The following NRXN3 variants were observed in gnomAD, a reference collection of about 807,000 sequenced individuals.
NRXN3 encodes neurexin III.
In NRXN3, 32 loss-of-function variants were observed where a neutral mutation model predicts 137.6. The observed-to-expected ratio is 0.23, with a 90% confidence interval of 0.18 to 0.31. The LOEUF (loss-of-function observed/expected upper bound fraction) is 0.31, where lower values mean the gene tolerates loss of function less well. Among genes scored for constraint, NRXN3 ranks in the 10% least tolerant of loss-of-function variants. NRXN3 has a pLI of 1.00. For synonymous variants in NRXN3, 798 were observed against 784.5 expected, an observed-to-expected ratio of 1.02 and a Z score of -0.29; for missense variants, 1,574 against 2,062.5, an observed-to-expected ratio of 0.76 and a Z score of 4.59.
intron 19 of NRXN3, among the ~76,000 whole-genome samples, chr14:79,780,306 A>C (rs2099109707): frequency 6.6e-6 from 1 of 152,128 alleles, no homozygotes; most frequent in African/African-American, 2.4e-5. Flanking sequence ...TATTTATTAT[A>C]AAATCTTTTA....
At chr14:78,438,349 T>G (rs773454429) in intron 4 of NRXN3, among the ~76,000 whole-genome samples, 1 of 152,114 alleles carries the variant, frequency 6.6e-6, no homozygotes, top group Non-Finnish European at 1.5e-5. Context: ...TAAAGTTTGG[T>G]GTCCTGTCAA....
intron 4 of NRXN3, among the ~76,000 whole-genome samples, chr14:78,419,892 T>A (rs376803745): frequency 1.3e-5 from 2 of 151,966 alleles, no homozygotes; most frequent in African/African-American, 4.8e-5. Context: ...TCATTCATAG[T>A]CAGGACTTTA....
At chr14:78,569,640 T>C (rs1031679489) in intron 4 of NRXN3, among the ~76,000 whole-genome samples, 14 of 152,088 alleles carry the variant, frequency 9.2e-5, no homozygotes, top group African/African-American at 3.4e-4. Flanking sequence ...CTCAGCTCAC[T>C]GCAACCTCCA....
At chr14:79,737,540 C>T (rs766996547) in intron 19 of NRXN3, among the ~76,000 whole-genome samples, 21 of 152,220 alleles carry the variant, frequency 1.4e-4, no homozygotes, top group African/African-American at 3.4e-4. Flanking sequence ...TGTCTCAGCA[C>T]GGAGTTTATA....
chr14:78,242,132 T>G (rs915262701), intron 1 of NRXN3, among the ~76,000 whole-genome samples: 16 of 152,210 alleles, frequency 1.1e-4, no homozygotes, highest in African/African-American at 3.9e-4. Flanking sequence ...ATTCTAATAA[T>G]GTGCTGATAT....
intron 15 of NRXN3, among the ~76,000 whole-genome samples, chr14:79,160,378 G>A (rs2060643746): frequency 6.6e-6 from 1 of 151,918 alleles, no homozygotes; most frequent in Non-Finnish European, 1.5e-5. Flanking sequence ...AGTGCCTCTT[G>A]TAATTTAGCA....
intron 2 of NRXN3, among the ~76,000 whole-genome samples, chr14:78,245,525 G>A (rs1416311143): frequency 1.3e-5 from 2 of 152,194 alleles, no homozygotes. Context: ...ATTGGGATGT[G>A]TAATTAAAGA....
intron 16 of NRXN3, among the ~76,000 whole-genome samples, chr14:79,625,936 T>A (rs2098277569): frequency 1.3e-5 from 2 of 152,166 alleles, no homozygotes; most frequent in African/African-American, 2.4e-5. Flanking sequence ...GCATGTCTCA[T>A]AGGACCGGTG....
chr14:78,297,762 T>G, intron 3 of NRXN3, 69 bp from the exon 4 acceptor site: 2 of 1,184,578 alleles, frequency 1.7e-6, no homozygotes, highest in Non-Finnish European at 2.4e-6. Flanking sequence ...GATTTTAACT[T>G]TGTCTTCTTT....
At chr14:79,108,526 C>T (rs1170322282) in intron 15 of NRXN3, among the ~76,000 whole-genome samples, 2 of 152,222 alleles carry the variant, frequency 1.3e-5, no homozygotes, top group East Asian at 3.9e-4. Context: ...CTATGAAGGG[C>T]ACAGTTTCTC....
rs549000786 is a variant in NRXN3, at chr14:79,356,979, C to G, written c.3263-110242C>G. Among the ~76,000 whole-genome samples, 28 of 152,260 alleles carry G rather than the reference C, an allele frequency of 1.8e-4. 1 individual carries two copies. The South Asian group carries it at 3.5e-3, about 19-fold the overall frequency. On this transcript the variant is annotated intron_variant, in intron 15 of 20. Coordinates refer to ENST00000335750, the MANE Select transcript of NRXN3 (RefSeq NM_001330195.2). ...CTCACCTCAAGTGATCTGCCCACCT[C>G]GTCCTCCCAAAGTGCTGGGATTAGA...
At chr14:79,859,367 G>C (rs1603620433) in intron 20 of NRXN3, among the ~76,000 whole-genome samples, 1 of 152,108 alleles carries the variant, frequency 6.6e-6, no homozygotes, top group Non-Finnish European at 1.5e-5. Context: ...CTTGAAGGTA[G>C]GTATTAGCTT....
At chr14:78,341,910 T>C (rs564052599) in intron 4 of NRXN3, among the ~76,000 whole-genome samples, 11 of 152,310 alleles carry the variant, frequency 7.2e-5, no homozygotes, top group South Asian at 4.1e-4. Flanking sequence ...AATAGGGAAG[T>C]TGGGCTCTAA....
At chr14:79,234,907 TCTAA>T in intron 15 of NRXN3, among the ~76,000 whole-genome samples, 1 of 152,254 alleles carries the variant, frequency 6.6e-6, no homozygotes, top group African/African-American at 2.4e-5. Flanking sequence ...GTTGGGGAAA[TCTAA>T]CTAAACAAGA....
chr14:78,954,766 GGT>G (rs1491570723), intron 10 of NRXN3, among the ~76,000 whole-genome samples: 4 of 127,136 alleles, frequency 3.1e-5, no homozygotes, highest in African/African-American at 1.5e-4. Context: ...CACCTGGCCT[GGT>G]TTTTTTTTTT....
chr14:79,451,750 C>T (rs1409810191), intron 15 of NRXN3, among the ~76,000 whole-genome samples: 1 of 152,196 alleles, frequency 6.6e-6, no homozygotes, highest in African/African-American at 2.4e-5. Context: ...TCTGCTGCTC[C>T]AGCCATGTGG....
intron 15 of NRXN3, among the ~76,000 whole-genome samples, chr14:79,403,872 A>G (rs527848192): frequency 7.2e-5 from 11 of 152,290 alleles, no homozygotes; most frequent in Admixed American, 2.6e-4. Flanking sequence ...AAAGGGTGGA[A>G]AGGTAGAAAA....
rs1291806304 is a variant in NRXN3 at position 79,867,170 on chromosome 14, T to C, written c.*5206T>C. 6.6e-6 allele frequency: 1 copy of C among 152,182 alleles called. No homozygotes were observed. Among genetic ancestry groups the C allele is most frequent in the Non-Finnish European group, 1.5e-5 (1 of 68,030 alleles). The allele number at this position is 152,182 out of a possible 1,614,324, so 9.4% of individuals were successfully genotyped here. On this transcript the variant is annotated 3_prime_UTR_variant, in exon 21 of 21. Transcript: ENST00000335750. ...AATGTCATGACTTAAAATCCAGTCTTGTGGTTCCAAATTTAGAGCTCTTTC... is the reference window on the plus strand; with the variant it reads ...AATGTCATGACTTAAAATCCAGTCTCGTGGTTCCAAATTTAGAGCTCTTTC...
At chr14:79,267,389 C>G (rs2078604884) in intron 15 of NRXN3, among the ~76,000 whole-genome samples, 1 of 148,986 alleles carries the variant, frequency 6.7e-6, no homozygotes, top group Non-Finnish European at 1.5e-5. Flanking sequence ...GACAGAGTCT[C>G]TCTCTATTTC....
Sources: allele counts gnomAD v4.1 joint callset (sites outside exome capture counted in the v4.1 genomes callset), GRCh38; gene constraint gnomAD v4.1.1; transcripts MANE v1.5; gene names NCBI Gene and HGNC (gene_info 2026-07-23, HGNC 2026-07-21).